The following SDK1 variants were observed in gnomAD, a reference collection of about 807,000 sequenced individuals.
SDK1 encodes sidekick cell adhesion molecule 1.
Under a neutral mutation model 245.5 loss-of-function variants are expected in SDK1, and 157 were observed. The observed-to-expected ratio is 0.64, with a 90% CI of 0.56 to 0.73. The LOEUF is 0.73. Among genes scored for constraint, SDK1 ranks in the 30% least tolerant of loss-of-function variants. The pLI, the probability that SDK1 is intolerant of heterozygous loss-of-function variation, is 0.00. For missense variants in SDK1, 3,583 were observed against 3,002.3 expected (o/e 1.19, Z -4.52); for synonymous variants, 1,647 against 1,278.5 (o/e 1.29, Z -6.15).
intron 13 of SDK1, among the ~76,000 whole-genome samples, chr7:3,975,444 C>G (rs1782846666): frequency 6.6e-6 from 1 of 152,148 alleles, no homozygotes; most frequent in South Asian, 2.1e-4. Flanking sequence ...CCCCTTTGAT[C>G]CAGGAAAGAT....
chr7:3,421,243 T>G (rs1003042889), intron 1 of SDK1, among the ~76,000 whole-genome samples: 1 of 152,004 alleles, frequency 6.6e-6, no homozygotes, highest in East Asian at 1.9e-4. Flanking sequence ...AGCTAATTTT[T>G]GTAATTTTAA....
intron 5 of SDK1, among the ~76,000 whole-genome samples, chr7:3,921,004 G>C (rs113175974): frequency 0.019 from 2,880 of 152,276 alleles, 81 homozygotes; most frequent in African/African-American, 0.056. Flanking sequence ...GATCAAGTTT[G>C]CAATTCCTAG....
At chr7:4,017,148 G>A in intron 16 of SDK1, 23 bp from the exon 17 acceptor site, 1 of 1,588,104 alleles carries the variant, frequency 6.3e-7, no homozygotes, top group Non-Finnish European at 8.6e-7. Flanking sequence ...TCCTTATCGT[G>A]ATGGGCTTCC....
intron 1 of SDK1, among the ~76,000 whole-genome samples, chr7:3,550,179 A>G (rs1779356077): frequency 6.6e-6 from 1 of 152,206 alleles, no homozygotes; most frequent in Non-Finnish European, 1.5e-5. Flanking sequence ...TTACATATGT[A>G]TATCTTATAC....
At position 3,302,007 on chromosome 7, in the gene SDK1, GGGGGCTCTAGGGAGCCCA is replaced by G. The variant is rs1480646737; in HGVS notation, c.298+131_298+148del. On this transcript the variant is annotated intron_variant, in intron 1 of 44. Transcript: ENST00000404826. ...GGCCCGGGTCGGGATGCGCCTTGCT[GGGGGCTCTAGGGAGCCCA>G]GGGGCTCCTCCACGCCAGACTCGGA... 55 of 704,478 alleles carry G rather than the reference GGGGGCTCTAGGGAGCCCA, an allele frequency of 7.8e-5. No homozygotes were observed. In the African/African-American group the frequency reaches 9.0e-4, roughly 12 times the overall value. 43.6% of individuals were successfully genotyped at this position (704,478 alleles called of 1,614,324 possible).
intron 5 of SDK1, among the ~76,000 whole-genome samples, chr7:3,949,554 G>A (rs569709860): frequency 1.3e-5 from 2 of 152,320 alleles, no homozygotes; most frequent in East Asian, 1.9e-4. Flanking sequence ...CAGATGAAGC[G>A]TTTTGCGTTT....
chr7:3,349,608 A>G (rs1306691565), intron 1 of SDK1, among the ~76,000 whole-genome samples: 1 of 151,070 alleles, frequency 6.6e-6, no homozygotes, highest in East Asian at 1.9e-4. Context: ...TGTATCTTTT[A>G]TTTTTTTTTG....
chr7:4,139,583 A>ATATATGTGTGTATATG (rs1180840345), intron 28 of SDK1, among the ~76,000 whole-genome samples: 2 of 41,852 alleles, frequency 4.8e-5, no homozygotes, highest in African/African-American at 1.4e-4. Flanking sequence ...GTGTGTGTGT[A>ATATATGTGTGTATATG]TGTGTGTGTA....
chr7:3,841,952 G>A (rs759505595), intron 5 of SDK1, among the ~76,000 whole-genome samples: 11 of 152,182 alleles, frequency 7.2e-5, no homozygotes, highest in African/African-American at 2.2e-4. Context: ...ATGACAGGTG[G>A]CCTCAGACTA....
Position 4,268,409 on chromosome 7 carries a change from C to T in SDK1, c.*3025C>T. On this transcript the variant is annotated 3_prime_UTR_variant, in exon 45 of 45. Transcript: ENST00000404826. ...GGGTGAATCGGTCCAGCCCAAGCCC[C>T]TCTCCCCAGCCTCGCCTTCAGCCTC... is the stretch of plus-strand genomic sequence containing the variant. 2 of 1,118,200 alleles carry T rather than the reference C, an allele frequency of 1.8e-6. No individual in the cohort carries two copies. Among genetic ancestry groups the T allele is most frequent in the Non-Finnish European group, 1.1e-6 (1 of 903,656 alleles). The allele number at this position is 1,118,200 out of a possible 1,614,324, so 69.3% of individuals were successfully genotyped here.
chr7:4,155,204 G>A (rs1234319834), intron 30 of SDK1, among the ~76,000 whole-genome samples: 1 of 130,302 alleles, frequency 7.7e-6, no homozygotes, highest in African/African-American at 2.9e-5. Flanking sequence ...GGGGGCACTG[G>A]CGTGGCTTCC....
chr7:3,784,459 T>G (rs1780840435), intron 4 of SDK1, among the ~76,000 whole-genome samples: 1 of 152,022 alleles, frequency 6.6e-6, no homozygotes, highest in South Asian at 2.1e-4. Context: ...AAACCATACT[T>G]TGGATAAGGG....
At chr7:4,051,036 G>T (rs1366837556) in intron 18 of SDK1, among the ~76,000 whole-genome samples, 5 of 138,574 alleles carry the variant, frequency 3.6e-5, no homozygotes, top group Non-Finnish European at 6.1e-5. Context: ...TGTTATGTAT[G>T]TTATATATAG....
intron 1 of SDK1, among the ~76,000 whole-genome samples, chr7:3,332,996 T>C (rs1163722974): frequency 6.6e-6 from 1 of 152,174 alleles, no homozygotes; most frequent in Non-Finnish European, 1.5e-5. Context: ...GCTCTTAGAT[T>C]TTTCCCTGTC....
intron 4 of SDK1, among the ~76,000 whole-genome samples, chr7:3,818,652 A>C (rs1414142042): frequency 6.6e-6 from 1 of 152,214 alleles, no homozygotes; most frequent in African/African-American, 2.4e-5. Context: ...GCCCTAACTT[A>C]TCACGGTTCA....
At chr7:3,895,039 T>C (rs1781566187) in intron 5 of SDK1, among the ~76,000 whole-genome samples, 1 of 152,198 alleles carries the variant, frequency 6.6e-6, no homozygotes, top group Non-Finnish European at 1.5e-5. Flanking sequence ...ATTTTACTGA[T>C]TCATTCCTCT....
intron 28 of SDK1, among the ~76,000 whole-genome samples, chr7:4,142,131 C>G (rs1779620147): frequency 6.6e-6 from 1 of 152,150 alleles, no homozygotes; most frequent in Non-Finnish European, 1.5e-5. Flanking sequence ...GATGATCCCA[C>G]CTCGACAGTG....
intron 4 of SDK1, among the ~76,000 whole-genome samples, chr7:3,757,611 C>T (rs1352191058): frequency 6.6e-6 from 1 of 152,108 alleles, no homozygotes; most frequent in Non-Finnish European, 1.5e-5. Flanking sequence ...TGAGGAGATG[C>T]ATAGGGCAGG....
At chr7:3,842,584 C>T (rs1004375846) in intron 5 of SDK1, among the ~76,000 whole-genome samples, 12 of 152,202 alleles carry the variant, frequency 7.9e-5, no homozygotes, top group East Asian at 1.9e-4. Flanking sequence ...CCAGGTGACT[C>T]GCCAGGTGTC....
Sources: gnomAD v4.1 joint callset for allele counts (sites outside exome capture counted in the v4.1 genomes callset) on GRCh38, gnomAD v4.1.1 for gene constraint, MANE v1.5 for transcripts, NCBI Gene and HGNC (gene_info 2026-07-23, HGNC 2026-07-21) for gene names.